KCNB2: variants seen among roughly 807,000 people sequenced by gnomAD.
KCNB2 encodes delayed rectifier potassium channel protein.
A neutral mutation model predicts 61.5 loss-of-function variants in KCNB2; 15 were observed. The observed-to-expected ratio is 0.24, with a 90% CI of 0.16 to 0.38. The LOEUF (loss-of-function observed/expected upper bound fraction) is 0.38. Ranked by LOEUF, KCNB2 falls within the 10% of genes least tolerant of loss-of-function variation. KCNB2 has a pLI of 1.00. For synonymous variants in KCNB2, 457 were observed against 446.0 expected (o/e 1.02, Z -0.31); for missense variants, 828 against 1,125.2 (o/e 0.74, Z 3.78).
At chr8:72,732,592 T>C (rs1414634526) in intron 2 of KCNB2, among the ~76,000 whole-genome samples, 1 of 152,232 alleles carries the variant, frequency 6.6e-6, no homozygotes, top group Non-Finnish European at 1.5e-5. Flanking sequence ...AAGAAAGTAC[T>C]TAGAAGCACC....
At chr8:72,565,459 C>A (rs1302108621) in intron 1 of KCNB2, among the ~76,000 whole-genome samples, 1 of 152,094 alleles carries the variant, frequency 6.6e-6, no homozygotes, top group Admixed American at 6.6e-5. Flanking sequence ...TGATGTTTTA[C>A]ATTAAAGGTG....
intron 2 of KCNB2, among the ~76,000 whole-genome samples, chr8:72,665,645 G>A (rs1413538704): frequency 2.6e-5 from 4 of 152,212 alleles, no homozygotes; most frequent in African/African-American, 9.7e-5. Flanking sequence ...TCATGGGTAT[G>A]CAGTTACTGA....
At chr8:72,844,046 A>G (rs983809661) in intron 2 of KCNB2, among the ~76,000 whole-genome samples, 1 of 152,126 alleles carries the variant, frequency 6.6e-6, no homozygotes, top group Non-Finnish European at 1.5e-5. Flanking sequence ...GGTCTTTACA[A>G]TTTGGTATGT....
intron 2 of KCNB2, among the ~76,000 whole-genome samples, chr8:72,643,873 G>A (rs1416054686): frequency 6.6e-6 from 1 of 152,022 alleles, no homozygotes; most frequent in African/African-American, 2.4e-5. Context: ...AGGAAAATAT[G>A]AACCCTTCAA....
At chr8:72,908,628 A>G (rs938711274) in intron 2 of KCNB2, among the ~76,000 whole-genome samples, 2 of 152,206 alleles carry the variant, frequency 1.3e-5, no homozygotes, top group Admixed American at 6.5e-5. Flanking sequence ...AAAATTATAA[A>G]CAGCCTGGCT....
intron 2 of KCNB2, among the ~76,000 whole-genome samples, chr8:72,870,597 T>G (rs1305339418): frequency 3.9e-5 from 6 of 152,204 alleles, no homozygotes; most frequent in Non-Finnish European, 7.3e-5. Context: ...GTCACTTTTT[T>G]CCACCTATGT....
chr8:72,761,424 A>C (rs145086817), intron 2 of KCNB2, among the ~76,000 whole-genome samples: 152 of 152,290 alleles, frequency 1.0e-3, no homozygotes, highest in African/African-American at 3.4e-3. Flanking sequence ...ATGCCTAAGG[A>C]GATTTGGGGA....
At chr8:72,680,700 A>G (rs1471742794) in intron 2 of KCNB2, among the ~76,000 whole-genome samples, 2 of 152,200 alleles carry the variant, frequency 1.3e-5, no homozygotes, top group Non-Finnish European at 2.9e-5. Flanking sequence ...CTGATGACTA[A>G]TGAGATAAAA....
In KCNB2 at chr8:72,693,156, T is replaced by C. The variant is rs140561847; in HGVS notation, c.579+124843T>C. On this transcript the variant is annotated intron_variant, in intron 2 of 2. Coordinates refer to ENST00000523207, the MANE Select transcript of KCNB2 (RefSeq NM_004770.3). ...CAATTAGGTGCCCTTTGCCTTACCTTCTCTCGTTTGCTGCGGGCCAGTTTG... is the reference window on the plus strand; with the variant it reads ...CAATTAGGTGCCCTTTGCCTTACCTCCTCTCGTTTGCTGCGGGCCAGTTTG... Among the ~76,000 whole-genome samples, 319 of 152,288 alleles carry C rather than the reference T, an allele frequency of 2.1e-3. 3 individuals are homozygous for C. The highest frequency in any genetic ancestry group is 7.2e-3 in the African/African-American group (300 of 41,554).
chr8:72,704,657 G>A (rs1807189461), intron 2 of KCNB2, among the ~76,000 whole-genome samples: 1 of 152,026 alleles, frequency 6.6e-6, no homozygotes, highest in Non-Finnish European at 1.5e-5. Flanking sequence ...CTATGGAGTA[G>A]GCTTCAAGAT....
chr8:72,601,213 T>G (rs1161744363), intron 2 of KCNB2, among the ~76,000 whole-genome samples: 1 of 152,222 alleles, frequency 6.6e-6, no homozygotes, highest in Admixed American at 6.5e-5. Context: ...ATACTTGACT[T>G]TCACCATTTG....
At chr8:72,655,033 A>G (rs1806268053) in intron 2 of KCNB2, among the ~76,000 whole-genome samples, 1 of 152,182 alleles carries the variant, frequency 6.6e-6, no homozygotes, top group Admixed American at 6.6e-5. Context: ...TAGACAAGAC[A>G]TGGAATCAAC....
chr8:72,920,473 C>CTATATATATATATATATATATA (rs1554544463), intron 2 of KCNB2, among the ~76,000 whole-genome samples: 1 of 78,742 alleles, frequency 1.3e-5, no homozygotes. Flanking sequence ...ATCTATCTAT[C>CTATATATATATATATATATATA]TATATATATA....
intron 2 of KCNB2, among the ~76,000 whole-genome samples, chr8:72,771,698 G>A (rs1213018257): frequency 6.6e-6 from 1 of 152,248 alleles, no homozygotes; most frequent in Admixed American, 6.5e-5. Flanking sequence ...GATCAGACAA[G>A]TGCAAGCAGA....
chr8:72,921,743 C>A (rs1291308848), intron 2 of KCNB2, among the ~76,000 whole-genome samples: 2 of 152,160 alleles, frequency 1.3e-5, no homozygotes, highest in Non-Finnish European at 2.9e-5. Flanking sequence ...TCCTGGGCTG[C>A]GGTTTAGAAT....
In KCNB2 at chr8:72,780,267, T is replaced by C. The variant is rs531617765; in HGVS notation, c.580-155668T>C. Among the ~76,000 whole-genome samples the C allele has an allele frequency of 6.7e-4, 102 of 152,330 alleles. 1 individual carries two copies. The highest frequency in any genetic ancestry group is 3.5e-4 in the Non-Finnish European group (24 of 68,028). ...ATGAAGACCAAGATATCTGCAAGAA[T>C]GTGATCTTGAAATCATTTTATCTTA... On this transcript the variant is annotated intron_variant, in intron 2 of 2. Coordinates refer to ENST00000523207, the MANE Select transcript of KCNB2 (RefSeq NM_004770.3).
chr8:72,546,581 C>T lies in KCNB2; in HGVS notation c.-94+8696C>T, dbSNP rs73308753. The stretch of plus-strand genomic sequence containing the variant: ...AAATATGGAAGCTGCAGCAAGTTAC[C>T]CACAATATTTAGCTAAGATCATTGA... On this transcript the variant is annotated intron_variant, in intron 1 of 2. Coordinates refer to ENST00000523207, the MANE Select transcript of KCNB2 (RefSeq NM_004770.3). Among the ~76,000 whole-genome samples the T allele has an allele frequency of 2.5e-3, 384 of 151,738 alleles. 6 individuals carry two copies. The highest frequency in any genetic ancestry group is 8.7e-3 in the African/African-American group (362 of 41,398).
At chr8:72,803,145 G>T (rs552602086) in intron 2 of KCNB2, among the ~76,000 whole-genome samples, 1 of 152,168 alleles carries the variant, frequency 6.6e-6, no homozygotes, top group African/African-American at 2.4e-5. Context: ...ACGTTGCGGG[G>T]TGTATAAGGA....
At chr8:72,655,507 T>C (rs1806277255) in intron 2 of KCNB2, among the ~76,000 whole-genome samples, 1 of 152,086 alleles carries the variant, frequency 6.6e-6, no homozygotes, top group Admixed American at 6.6e-5. Flanking sequence ...TCAATGTCTA[T>C]ATGGTAAGAG....
Sources: gnomAD v4.1 joint callset for allele counts (sites outside exome capture counted in the v4.1 genomes callset) on GRCh38, gnomAD v4.1.1 for gene constraint, MANE v1.5 for transcripts, NCBI Gene and HGNC (gene_info 2026-07-23, HGNC 2026-07-21) for gene names.